Variants in GABRB3 observed in about 807,000 individuals in gnomAD.
GABRB3 encodes gamma-aminobutyric acid receptor subunit beta-3.
Under a neutral mutation model 52.1 loss-of-function variants are expected in GABRB3, and 14 were observed. That is an observed-to-expected ratio of 0.27 (90% CI 0.18 to 0.42). The LOEUF (loss-of-function observed/expected upper bound fraction) is 0.42, where lower values mean the gene tolerates loss of function less well. Among genes scored for constraint, GABRB3 ranks in the 10% least tolerant of loss-of-function variants. The probability of loss-of-function intolerance (pLI) is 1.00; values close to 1 mark genes in which losing one functional copy is unlikely to be tolerated. For missense variants in GABRB3, 307 were observed against 609.1 expected (o/e 0.50, Z 5.22); for synonymous variants, 260 against 232.3 (o/e 1.12, Z -1.08).
At chr15:26,557,960 T>G (rs924880260) in intron 8 of GABRB3, 5 of 152,230 alleles carry the variant, frequency 3.3e-5, no homozygotes, top group African/African-American at 1.2e-4. Context: ...CACCACAGTT[T>G]GACTGTTTTA....
intron 3 of GABRB3, among the ~76,000 whole-genome samples, chr15:26,685,234 C>G (rs1240706524): frequency 2.6e-5 from 4 of 152,162 alleles, no homozygotes; most frequent in East Asian, 1.9e-4. Context: ...TCAGATGAAG[C>G]CCCTTCCTCT....
intron 6 of GABRB3, among the ~76,000 whole-genome samples, chr15:26,571,607 T>C (rs1375462122): frequency 6.6e-6 from 1 of 152,224 alleles, no homozygotes; most frequent in Non-Finnish European, 1.5e-5. Context: ...TTGACTGCCA[T>C]GACTGTACAG....
chr15:26,580,124 G>A (rs1356638413), intron 6 of GABRB3, among the ~76,000 whole-genome samples, 195 bp downstream of exon 6: 1 of 152,166 alleles, frequency 6.6e-6, no homozygotes, highest in African/African-American at 2.4e-5. Flanking sequence ...TTCTTCTCAG[G>A]TGAGCCTTCC....
intron 8 of GABRB3, among the ~76,000 whole-genome samples, chr15:26,549,826 C>G (rs1889391639): frequency 6.6e-6 from 1 of 152,122 alleles, no homozygotes; most frequent in African/African-American, 2.4e-5. Context: ...TACCCTCTGC[C>G]TATAAAACCT....
intron 3 of GABRB3, among the ~76,000 whole-genome samples, chr15:26,667,745 T>A (rs1457576447): frequency 6.6e-6 from 1 of 152,166 alleles, no homozygotes; most frequent in Non-Finnish European, 1.5e-5. Context: ...TGCACATTCT[T>A]GGGCCTCATC....
intron 3 of GABRB3, chr15:26,624,131 G>C: frequency 1.1e-6 from 1 of 937,354 alleles, no homozygotes; most frequent in South Asian, 4.9e-5. Flanking sequence ...AAAGGTTCTC[G>C]GACACTGGGC....
chr15:26,706,929 A>C (rs1487162987), intron 3 of GABRB3, among the ~76,000 whole-genome samples: 5 of 152,116 alleles, frequency 3.3e-5, no homozygotes, highest in Non-Finnish European at 7.4e-5. Context: ...TTTGGATAGG[A>C]AGGAGGGTTT....
intron 4 of GABRB3, among the ~76,000 whole-genome samples, chr15:26,586,235 G>T (rs1052482842): frequency 6.6e-6 from 1 of 151,948 alleles, no homozygotes; most frequent in East Asian, 1.9e-4. Context: ...TCCTGACCCC[G>T]ATCCACCCGC....
rs567790542 is a variant in GABRB3 at position 26,617,354 on chromosome 15, T to C, written c.461+3960A>G. 2.7e-4 allele frequency among the ~76,000 whole-genome samples: 41 copies of C among 152,174 alleles called. 1 individual carries two copies. In the Middle Eastern group the frequency reaches 0.014, roughly 50 times the overall value. ...GTTCATCCCTGGGATGCAAGGCTGGTTCAATATATGCAAATCAATAAATGT... is the reference window on the plus strand; with the variant it reads ...GTTCATCCCTGGGATGCAAGGCTGGCTCAATATATGCAAATCAATAAATGT... On this transcript the variant is annotated intron_variant, in intron 4 of 8. Coordinates refer to ENST00000311550, the MANE Select transcript of GABRB3 (RefSeq NM_000814.6).
chr15:26,747,716 T>C (rs1243600154), intron 3 of GABRB3, among the ~76,000 whole-genome samples: 1 of 152,216 alleles, frequency 6.6e-6, no homozygotes, highest in African/African-American at 2.4e-5. Flanking sequence ...TCACCTGTGC[T>C]TTACTAAAGT....
At chr15:26,759,838 T>G (rs527660582) in intron 3 of GABRB3, among the ~76,000 whole-genome samples, 1 of 152,316 alleles carries the variant, frequency 6.6e-6, no homozygotes, top group East Asian at 1.9e-4. Context: ...CAACAAAAAC[T>G]AAGGTACTTC....
At chr15:26,663,742 A>G (rs1435818130) in intron 3 of GABRB3, among the ~76,000 whole-genome samples, 1 of 152,216 alleles carries the variant, frequency 6.6e-6, no homozygotes, top group East Asian at 1.9e-4. Flanking sequence ...GGTCAAGGCT[A>G]AAGCCTGCCA....
At chr15:26,620,343 C>T (rs1264256534) in intron 4 of GABRB3, among the ~76,000 whole-genome samples, 1 of 152,176 alleles carries the variant, frequency 6.6e-6, no homozygotes, top group Non-Finnish European at 1.5e-5. Context: ...ATCATTCACT[C>T]TACCCGTCTT....
rs892768177 is a variant in GABRB3 at position 26,616,026 on chromosome 15, T to A, written c.461+5288A>T. The A allele has an allele frequency of 3.3e-5, 42 of 1,289,102 alleles. No homozygotes were observed. In the African/African-American group the frequency reaches 4.7e-4, roughly 14 times the overall value. 79.9% of individuals were successfully genotyped at this position (1,289,102 alleles called of 1,614,324 possible). A position where few individuals can be genotyped will look rare whatever the true frequency, so the allele number is the denominator to read the frequency against. On this transcript the variant is annotated intron_variant, in intron 4 of 8. Transcript: ENST00000311550. Reference sequence around the variant, plus strand: ...GGAATTTAACTTCAGTGTTCTCAGCTGTGCCAGACCTCCTCCAGGCCAGGG... The same window carrying A: ...GGAATTTAACTTCAGTGTTCTCAGCAGTGCCAGACCTCCTCCAGGCCAGGG...
At chr15:26,634,542 G>C (rs979556478) in intron 3 of GABRB3, among the ~76,000 whole-genome samples, 2 of 152,054 alleles carry the variant, frequency 1.3e-5, no homozygotes, top group Non-Finnish European at 2.9e-5. Flanking sequence ...CGGATTAGAG[G>C]ATGAGTGCCT....
chr15:26,739,469 A>T (rs1377008094), intron 3 of GABRB3, among the ~76,000 whole-genome samples: 1 of 152,140 alleles, frequency 6.6e-6, no homozygotes, highest in Non-Finnish European at 1.5e-5. Context: ...CTATGAAGGG[A>T]TCAGCAGGTG....
At chr15:26,757,375 C>T (rs971926902) in intron 3 of GABRB3, among the ~76,000 whole-genome samples, 2 of 152,150 alleles carry the variant, frequency 1.3e-5, no homozygotes, top group African/African-American at 4.8e-5. Context: ...CGCTCCATTG[C>T]TCACTCGCTC....
At chr15:26,573,220 G>C (rs1164156269) in intron 6 of GABRB3, among the ~76,000 whole-genome samples, 1 of 152,086 alleles carries the variant, frequency 6.6e-6, no homozygotes, top group Non-Finnish European at 1.5e-5. Flanking sequence ...GAGCCGTTCT[G>C]GGCCCATTAT....
intron 3 of GABRB3, among the ~76,000 whole-genome samples, chr15:26,712,473 A>AG (rs1387599347): frequency 3.3e-5 from 5 of 151,872 alleles, no homozygotes; most frequent in East Asian, 1.9e-4. Flanking sequence ...AGGAGTGGTG[A>AG]GGGGGGGTTC....
Sources: allele counts gnomAD v4.1 joint callset (sites outside exome capture counted in the v4.1 genomes callset), GRCh38; gene constraint gnomAD v4.1.1; transcripts MANE v1.5; gene names NCBI Gene and HGNC (gene_info 2026-07-23, HGNC 2026-07-21).